BTAF1: variants seen among roughly 807,000 people sequenced by gnomAD.
BTAF1 encodes B-TFIID TATA-box binding protein associated factor 1, also known as TATA-binding protein-associated factor 172.
Under a neutral mutation model 227.1 loss-of-function variants are expected in BTAF1, and 38 were observed. The ratio of observed to expected loss-of-function variants is 0.17; its 90% CI spans 0.13 to 0.22. The LOEUF is 0.22. Among genes scored for constraint, BTAF1 ranks in the 10% least tolerant of loss-of-function variants. BTAF1 has a pLI of 1.00. For missense variants in BTAF1, 1,598 were observed against 2,204.0 expected (o/e 0.73, Z 5.51); for synonymous variants, 742 against 751.9 (o/e 0.99, Z 0.21).
chr10:91,991,832 T>TATATATATATATAC (rs1466556430), intron 20 of BTAF1, among the ~76,000 whole-genome samples: 21 of 11,266 alleles, frequency 1.9e-3, no homozygotes, highest in African/African-American at 2.7e-3. Context: ...TATATATATA[T>TATATATATATATAC]ACACACATAT....
At chr10:91,994,507 A>G (rs573134301) in intron 22 of BTAF1, 28 bp from the exon 23 acceptor site, 3 of 1,523,506 alleles carry the variant, frequency 2.0e-6, no homozygotes, top group African/African-American at 2.8e-5. Flanking sequence ...ATTATTTGCC[A>G]GATAATACAG....
chr10:91,997,846 TG>T, intron 25 of BTAF1, 95 bp downstream of exon 25: 1 of 1,290,324 alleles, frequency 7.7e-7, no homozygotes, highest in Admixed American at 1.9e-5. Flanking sequence ...CAAAGGCTCA[TG>T]CCTGTAATCC....
Position 91,939,857 on chromosome 10 carries a change from C to T in BTAF1, c.139-95C>T, listed in dbSNP as rs1365671062. On this transcript the variant is annotated intron_variant, in intron 2 of 37. Transcript: ENST00000265990. ...ATGTATTTGGATGGCTGCCAAATTA[C>T]ACATTAATAACAAGTAAATTTGTAT... 1.9e-5 allele frequency: 13 copies of T among 678,264 alleles called. No homozygotes were observed. The South Asian group carries it at 2.4e-4, about 12-fold the overall frequency. 42.0% of individuals were successfully genotyped at this position (678,264 alleles called of 1,614,324 possible).
At position 91,951,448 on chromosome 10, in the gene BTAF1, T is replaced by C. The variant is rs1187704889; in HGVS notation, c.446T>C (p.Leu149Ser). 3 of 1,612,696 alleles carry C rather than the reference T, an allele frequency of 1.9e-6. No homozygotes were observed. The African/African-American group carries it at 4.0e-5, about 22-fold the overall frequency. ...AGGATAGCACGCCAACGAAAATTAT[T>C]ACAGAAGAAACTTGGCCTTAATATG... ...KERIARQRKL[L>S]QKKLGLNMGE... Residue 149 changes from leucine to serine, a missense_variant, in exon 5 of 38, where the codon TTA becomes TCA. This residue lies in a region of BTAF1 where 298 missense variants were observed against 395.2 expected (regional missense o/e 0.75). Transcript: ENST00000265990.
At chr10:91,931,357 C>T (rs556190098) in intron 1 of BTAF1, among the ~76,000 whole-genome samples, 1 of 152,282 alleles carries the variant, frequency 6.6e-6, no homozygotes, top group South Asian at 2.1e-4. Flanking sequence ...ATATAATTTT[C>T]TTATGTTTTA....
chr10:92,025,443 T>TTA (rs1590005876), intron 35 of BTAF1, among the ~76,000 whole-genome samples: 3 of 147,898 alleles, frequency 2.0e-5, no homozygotes, highest in Non-Finnish European at 3.0e-5. Flanking sequence ...CTTTTTTTTT[T>TTA]AAAAAAAAAA....
In BTAF1 at chr10:91,992,052, T is replaced by C. The variant is rs78686778; in HGVS notation, c.2855-67T>C. ...TAGTTTAAAAATGTTTTATCTCTTA[T>C]GGAGCTGAAAACATTTGGTATCACC... On this transcript the variant is annotated intron_variant, in intron 20 of 37. Coordinates refer to ENST00000265990, the MANE Select transcript of BTAF1 (RefSeq NM_003972.3). The C allele has an allele frequency of 7.9e-3, 10,498 of 1,329,852 alleles. 62 individuals carry two copies. The highest frequency in any genetic ancestry group is 0.01 in the Non-Finnish European group (9,881 of 984,744). The allele number at this position is 1,329,852 out of a possible 1,614,324, so 82.4% of individuals were successfully genotyped here.
intron 14 of BTAF1, among the ~76,000 whole-genome samples, chr10:91,979,548 A>G (rs1461879548): frequency 1.3e-5 from 2 of 152,154 alleles, no homozygotes. Context: ...AATTTCAGTT[A>G]AAATTTCCAA....
In BTAF1 at chr10:92,029,704, C is replaced by A. The variant is rs1269369870; in HGVS notation, c.*771C>A. On this transcript the variant is annotated 3_prime_UTR_variant, in exon 38 of 38. Transcript: ENST00000265990. ...CATATATATAATATATTTTTTGTAA[C>A]TATGAACATACACAGTTTTCCAGAA... is the stretch of plus-strand genomic sequence containing the variant. The A allele has an allele frequency of 1.3e-5, 2 of 151,700 alleles. No individual in the cohort carries two copies. Among genetic ancestry groups the A allele is most frequent in the Admixed American group, 6.6e-5 (1 of 15,238 alleles). The allele number at this position is 151,700 out of a possible 1,614,324, so 9.4% of individuals were successfully genotyped here. A position where few individuals can be genotyped will look rare whatever the true frequency, so the allele number is the denominator to read the frequency against.
intron 15 of BTAF1, 52 bp from the exon 16 acceptor site, chr10:91,981,591 G>A: frequency 1.3e-6 from 2 of 1,526,986 alleles, no homozygotes; most frequent in South Asian, 2.6e-5. Flanking sequence ...AAGTGTTAGA[G>A]TTTATTTTTA....
chr10:91,932,091 G>A (rs991765647), intron 1 of BTAF1, among the ~76,000 whole-genome samples: 1 of 152,202 alleles, frequency 6.6e-6, no homozygotes, highest in Non-Finnish European at 1.5e-5. Flanking sequence ...GAATCAAGAG[G>A]AACTGTGTGT....
chr10:92,027,342 C>T (rs752505965), intron 37 of BTAF1, 42 bp downstream of exon 37: 1 of 1,501,434 alleles, frequency 6.7e-7, no homozygotes, highest in African/African-American at 1.4e-5. Flanking sequence ...GAGTCACAGG[C>T]TTCCTGTGAC....
intron 11 of BTAF1, among the ~76,000 whole-genome samples, 200 bp downstream of exon 11, chr10:91,960,354 C>T (rs971506905): frequency 6.6e-6 from 1 of 152,164 alleles, no homozygotes; most frequent in Admixed American, 6.5e-5. Context: ...TGGTTAGTTA[C>T]ATTGTTTGCT....
Position 92,030,748 on chromosome 10 carries a change from A to AG in BTAF1, c.*1815_*1816insG. On this transcript the variant is annotated 3_prime_UTR_variant, in exon 38 of 38. Coordinates refer to ENST00000265990, the MANE Select transcript of BTAF1 (RefSeq NM_003972.3). The stretch of plus-strand genomic sequence containing the variant: ...AAAAATGATGTGTGGTTGCTTCTGA[A>AG]TGGGAAACAGGAGTCAGAGCTGACA... 6.6e-6 allele frequency among the ~76,000 whole-genome samples: 1 copy of AG among 152,098 alleles called. No individual in the cohort carries two copies. Among genetic ancestry groups the AG allele is most frequent in the Non-Finnish European group, 1.5e-5 (1 of 67,988 alleles).
chr10:91,951,864 G>A, intron 5 of BTAF1, among the ~76,000 whole-genome samples: 1 of 152,066 alleles, frequency 6.6e-6, no homozygotes, highest in East Asian at 1.9e-4. Flanking sequence ...GTTCTTTGAT[G>A]TAGGGAAAAG....
chr10:92,025,181 A>G (rs74149355), intron 35 of BTAF1, among the ~76,000 whole-genome samples: 2,072 of 152,304 alleles, frequency 0.014, 48 homozygotes, highest in African/African-American at 0.045. Context: ...TGACTGTAAT[A>G]GAAAAGCACT....
intron 1 of BTAF1, among the ~76,000 whole-genome samples, chr10:91,928,782 A>G (rs1844057861): frequency 1.1e-5 from 1 of 92,612 alleles, no homozygotes; most frequent in Admixed American, 1.1e-4. Flanking sequence ...CCGCCCCCCA[A>G]AAAAAGCAAC....
intron 34 of BTAF1, among the ~76,000 whole-genome samples, chr10:92,020,278 C>T (rs997640082): frequency 5.9e-5 from 9 of 152,056 alleles, no homozygotes; most frequent in African/African-American, 1.9e-4. Flanking sequence ...CTTGGAACTG[C>T]ATACTCTATC....
chr10:91,970,735 A>T (rs2676825), intron 14 of BTAF1, among the ~76,000 whole-genome samples: 48,512 of 152,078 alleles, frequency 0.32, 8,867 homozygotes, highest in South Asian at 0.52. Context: ...TATGGTTGCT[A>T]TAAGACTATT....
Sources: gnomAD v4.1 joint callset for allele counts (sites outside exome capture counted in the v4.1 genomes callset) on GRCh38, gnomAD v4.1.1 for gene constraint, gnomAD v4.1.1 regional missense constraint, MANE v1.5 for transcripts, NCBI Gene and HGNC (gene_info 2026-07-23, HGNC 2026-07-21) for gene names.